The following GRID2 variants were observed in gnomAD, a reference collection of about 807,000 sequenced individuals.
The protein encoded by GRID2 is glutamate receptor ionotropic, delta-2.
A neutral mutation model predicts 114.8 loss-of-function variants in GRID2; 33 were observed. The ratio of observed to expected loss-of-function variants is 0.29; its 90% confidence interval spans 0.22 to 0.38. The LOEUF (loss-of-function observed/expected upper bound fraction) is 0.38, where lower values mean the gene tolerates loss of function less well. Ranked by LOEUF, GRID2 falls within the 10% of genes least tolerant of loss-of-function variation. The probability of loss-of-function intolerance (pLI) is 1.00; values close to 1 mark genes in which losing one functional copy is unlikely to be tolerated. For missense variants in GRID2, 1,184 were observed against 1,257.7 expected (o/e 0.94, Z 0.89); for synonymous variants, 505 against 449.9 (o/e 1.12, Z -1.55).
chr4:92,897,332 T>C (rs1175525956), intron 2 of GRID2, among the ~76,000 whole-genome samples: 1 of 152,170 alleles, frequency 6.6e-6, no homozygotes, highest in African/African-American at 2.4e-5. Context: ...TTTAATACTA[T>C]TCAGATTTTA....
At chr4:93,331,338 C>G (rs1758420023) in intron 8 of GRID2, among the ~76,000 whole-genome samples, 1 of 151,912 alleles carries the variant, frequency 6.6e-6, no homozygotes, top group Non-Finnish European at 1.5e-5. Context: ...AGCCATGGCT[C>G]ATTTCCTGAC....
chr4:93,723,313 A>G (rs1362089024), intron 14 of GRID2, among the ~76,000 whole-genome samples: 4 of 152,264 alleles, frequency 2.6e-5, no homozygotes, highest in Admixed American at 2.0e-4. Flanking sequence ...TTTGAGAAAT[A>G]AATGAATAAA....
At chr4:92,625,205 C>T (rs1276831916) in intron 2 of GRID2, among the ~76,000 whole-genome samples, 1 of 151,534 alleles carries the variant, frequency 6.6e-6, no homozygotes, top group Non-Finnish European at 1.5e-5. Flanking sequence ...TTAATTTTTT[C>T]TTTAATTTAA....
intron 1 of GRID2, among the ~76,000 whole-genome samples, chr4:92,400,820 G>A (rs552063911): frequency 6.6e-6 from 1 of 152,180 alleles, no homozygotes; most frequent in African/African-American, 2.4e-5. Flanking sequence ...TCCAATTGAA[G>A]TTTTGATTTA....
intron 13 of GRID2, among the ~76,000 whole-genome samples, chr4:93,518,003 A>C (rs62319531): frequency 3.1e-5 from 1 of 32,044 alleles, no homozygotes; most frequent in Non-Finnish European, 7.5e-5. Context: ...ATACATGTAT[A>C]TGTATGTATA....
chr4:93,459,631 G>GT (rs921938996), intron 11 of GRID2, among the ~76,000 whole-genome samples: 3 of 152,118 alleles, frequency 2.0e-5, no homozygotes, highest in Non-Finnish European at 4.4e-5. Flanking sequence ...AATTTATTCA[G>GT]TTTTTCAGTG....
At chr4:93,767,552 A>G (rs565462884) in intron 14 of GRID2, among the ~76,000 whole-genome samples, 131 of 152,300 alleles carry the variant, frequency 8.6e-4, no homozygotes, top group African/African-American at 3.1e-3. Flanking sequence ...CTGGACTGCC[A>G]GCACGGGGCA....
chr4:93,580,316 T>G (rs1282921449), intron 13 of GRID2, among the ~76,000 whole-genome samples: 4 of 152,184 alleles, frequency 2.6e-5, no homozygotes, highest in African/African-American at 9.7e-5. Context: ...AACTATTATC[T>G]TATTCTTCCC....
At chr4:93,135,751 T>C (rs1735185303) in intron 4 of GRID2, among the ~76,000 whole-genome samples, 1 of 152,194 alleles carries the variant, frequency 6.6e-6, no homozygotes, top group South Asian at 2.1e-4. Context: ...ATATTTTGTT[T>C]TGTTTTTATT....
chr4:93,479,102 T>A (rs1386154739), intron 11 of GRID2, among the ~76,000 whole-genome samples: 4 of 152,108 alleles, frequency 2.6e-5, no homozygotes, highest in African/African-American at 4.8e-5. Flanking sequence ...CAATTTTTTT[T>A]AATTTTCCAG....
intron 2 of GRID2, among the ~76,000 whole-genome samples, chr4:93,067,099 C>T (rs914567727): frequency 2.0e-5 from 3 of 151,934 alleles, no homozygotes; most frequent in Admixed American, 6.6e-5. Context: ...TAACTAAAGG[C>T]ATGGAAAGCA....
At chr4:93,529,257 GC>G (rs1366088261) in intron 13 of GRID2, among the ~76,000 whole-genome samples, 1 of 152,126 alleles carries the variant, frequency 6.6e-6, no homozygotes, top group Non-Finnish European at 1.5e-5. Context: ...AAATTAATGA[GC>G]AATACAGATG....
intron 8 of GRID2, among the ~76,000 whole-genome samples, chr4:93,268,002 G>A (rs1751042191): frequency 6.6e-6 from 1 of 152,164 alleles, no homozygotes; most frequent in Non-Finnish European, 1.5e-5. Flanking sequence ...TGGCTATCTG[G>A]TGGGAATGTG....
At chr4:93,490,842 T>C (rs1159262776) in intron 12 of GRID2, 65 bp downstream of exon 12, 1 of 1,097,048 alleles carries the variant, frequency 9.1e-7, no homozygotes, top group Non-Finnish European at 1.4e-6. Context: ...CAAAGCTATC[T>C]GAGAATAAGT....
chr4:93,648,782 G>A (rs1722334910), intron 14 of GRID2, among the ~76,000 whole-genome samples: 1 of 152,136 alleles, frequency 6.6e-6, no homozygotes, highest in Non-Finnish European at 1.5e-5. Flanking sequence ...GTAATACATG[G>A]TCTTTGACTT....
chr4:92,503,133 C>G (rs1025904711), intron 1 of GRID2, among the ~76,000 whole-genome samples: 1 of 151,854 alleles, frequency 6.6e-6, no homozygotes, highest in Admixed American at 6.6e-5. Context: ...TCCAGAAAGC[C>G]TGTACTAATT....
chr4:93,601,704 G>A (rs1739700195), intron 13 of GRID2, among the ~76,000 whole-genome samples: 1 of 152,006 alleles, frequency 6.6e-6, no homozygotes, highest in African/African-American at 2.4e-5. Flanking sequence ...TTCTTCCTTT[G>A]TTCCTCTGTC....
intron 1 of GRID2, among the ~76,000 whole-genome samples, chr4:92,531,243 T>C (rs926245507): frequency 2.0e-5 from 3 of 151,952 alleles, no homozygotes; most frequent in Non-Finnish European, 2.9e-5. Flanking sequence ...TGTTTGAAAA[T>C]ATGCATAATT....
At chr4:93,685,256 C>T (rs1334367254) in intron 14 of GRID2, among the ~76,000 whole-genome samples, 1 of 152,072 alleles carries the variant, frequency 6.6e-6, no homozygotes, top group Non-Finnish European at 1.5e-5. Flanking sequence ...TGAGGACAAT[C>T]TCAAAACCTT....
Sources: gnomAD v4.1 joint callset for allele counts (sites outside exome capture counted in the v4.1 genomes callset) on GRCh38, gnomAD v4.1.1 for gene constraint, MANE v1.5 for transcripts, NCBI Gene and HGNC (gene_info 2026-07-23, HGNC 2026-07-21) for gene names.